Variants in NDST4 observed in about 807,000 individuals in gnomAD.
NDST4 encodes N-heparan sulfate sulfotransferase 4.
NDST4 carries 63 observed loss-of-function variants against 100.8 expected under a neutral mutation model. That is an observed-to-expected ratio of 0.62 (90% confidence interval 0.51 to 0.77). The LOEUF is 0.77. NDST4 is among the 30% of genes least tolerant of loss of function. The pLI is 0.00. For missense variants in NDST4, 943 were observed against 1,018.4 expected (o/e 0.93, Z 1.01); for synonymous variants, 377 against 361.8 (o/e 1.04, Z -0.48).
At chr4:114,842,819 C>A in intron 10 of NDST4, 1 of 155,040 alleles carries the variant, frequency 6.4e-6, no homozygotes, top group South Asian at 1.9e-4. Flanking sequence ...AAAAAAGCAA[C>A]AACAACAAAA....
In NDST4 at chr4:114,827,898, T is replaced by G; in HGVS notation, c.2537A>C (p.Asn846Thr). 1 of 1,611,602 alleles carries G rather than the reference T, an allele frequency of 6.2e-7. No individual in the cohort carries two copies. Among genetic ancestry groups the G allele is most frequent in the Non-Finnish European group, 8.5e-7 (1 of 1,178,982 alleles). Residue 846 changes from asparagine (N) to threonine (T), a missense_variant, in exon 14 of 14, where the codon AAT (asparagine) becomes ACT (threonine). This residue lies in a region of NDST4 where 526 missense variants were observed against 634.1 expected (regional missense o/e 0.83). Transcript: ENST00000264363. ...TFLSNYYRDH[N>T]VELSKLLHRL... is the part of the protein sequence containing the mutation. ...GTGTAGCAGTTTGGATAGTTCCACA[T>G]TATGATCTCGGTAGTAATTAGAGAG...
chr4:115,003,573 A>T (rs909282569), intron 2 of NDST4, among the ~76,000 whole-genome samples: 1 of 152,120 alleles, frequency 6.6e-6, no homozygotes, highest in African/African-American at 2.4e-5. Context: ...TCTTTTTTAA[A>T]AAAAGGGGTA....
intron 6 of NDST4, among the ~76,000 whole-genome samples, chr4:114,934,453 CTG>C (rs1725581712): frequency 6.6e-6 from 1 of 151,654 alleles, no homozygotes; most frequent in Non-Finnish European, 1.5e-5. Flanking sequence ...ACTTGGGAGT[CTG>C]AGGCAGGAGA....
intron 13 of NDST4, among the ~76,000 whole-genome samples, chr4:114,828,263 C>T (rs1003140824): frequency 6.6e-6 from 1 of 151,806 alleles, no homozygotes; most frequent in East Asian, 1.9e-4. Flanking sequence ...ATAGGGACTG[C>T]ATGAGGAATG....
intron 2 of NDST4, among the ~76,000 whole-genome samples, chr4:115,025,591 A>G (rs760703059): frequency 6.6e-6 from 1 of 152,176 alleles, no homozygotes; most frequent in African/African-American, 2.4e-5. Context: ...CATAATGGCC[A>G]TAATCAGAAG....
rs1357875072 is a variant in NDST4 at position 115,010,237 on chromosome 4, G to A, written c.979-32963C>T. ...TGCTGCTATAAAGACACATGCACAC[G>A]TATGTTTATTGCGGCGCTATTCACA... On this transcript the variant is annotated intron_variant, in intron 2 of 13. Transcript: ENST00000264363. Among the ~76,000 whole-genome samples the A allele has an allele frequency of 3.2e-5, 4 of 124,722 alleles. 1 individual carries two copies. Among genetic ancestry groups the A allele is most frequent in the African/African-American group, 9.3e-5 (3 of 32,400 alleles). 81.8% of individuals were successfully genotyped at this position (124,722 alleles called of 152,430 possible).
At chr4:115,009,641 T>C (rs1450760340) in intron 2 of NDST4, among the ~76,000 whole-genome samples, 1 of 125,240 alleles carries the variant, frequency 8.0e-6, no homozygotes. Flanking sequence ...ACTTCATGTC[T>C]AAAACACCAA....
intron 12 of NDST4, among the ~76,000 whole-genome samples, chr4:114,832,924 T>C (rs1723230432): frequency 1.3e-5 from 2 of 152,064 alleles, no homozygotes; most frequent in Non-Finnish European, 2.9e-5. Flanking sequence ...GAGACGTGAG[T>C]AAAGGAGACT....
At position 115,076,566 on chromosome 4, in the gene NDST4, G is replaced by C. The variant is rs1310945303; in HGVS notation, c.471C>G (p.Tyr157Ter). ...TATGAAAACCGATTATACTAACACT[G>C]TATTCCACACAGTATTTTTCTAAAA... is the stretch of plus-strand genomic sequence containing the variant. Reference protein sequence around the residue: ...RELLEKYCVEYSVSIIGFHKA... With the variant: ...RELLEKYCVE Residue 157 changes from tyrosine to a stop codon, truncating the protein, a stop_gained, in exon 2 of 14, where the codon TAC becomes TAG. Coordinates refer to ENST00000264363, the MANE Select transcript of NDST4 (RefSeq NM_022569.3). LOFTEE classifies it high-confidence loss of function. 6.2e-7 allele frequency: 1 copy of C among 1,613,920 alleles called. No homozygotes were observed. Among genetic ancestry groups the C allele is most frequent in the East Asian group, 2.2e-5 (1 of 44,806 alleles).
intron 8 of NDST4, 37 bp downstream of exon 8, chr4:114,852,688 T>C: frequency 1.7e-6 from 2 of 1,151,048 alleles, no homozygotes; most frequent in South Asian, 1.3e-5. Context: ...AAAATATTTT[T>C]AAAAAGGATA....
intron 3 of NDST4, among the ~76,000 whole-genome samples, chr4:114,974,884 T>TAAATGTCTTCAAAAC (rs766540340): frequency 1.1e-4 from 17 of 152,104 alleles, no homozygotes; most frequent in Non-Finnish European, 1.9e-4. Flanking sequence ...CCTATGTGAT[T>TAAATGTCTTCAAAAC]AAATGTCTTC....
intron 2 of NDST4, among the ~76,000 whole-genome samples, chr4:115,071,141 AAT>A (rs33988656): frequency 0.014 from 2,005 of 146,598 alleles, 44 homozygotes; most frequent in African/African-American, 0.053. Context: ...AAAATAAAAA[AAT>A]AAAAAATAAA....
At chr4:114,885,391 A>G (rs985330478) in intron 6 of NDST4, among the ~76,000 whole-genome samples, 9 of 152,136 alleles carry the variant, frequency 5.9e-5, no homozygotes, top group Non-Finnish European at 1.3e-4. Context: ...ACATTTGGAC[A>G]TGGTAACTCA....
At chr4:114,930,027 G>C (rs1036757) in intron 6 of NDST4, among the ~76,000 whole-genome samples, 18 of 152,108 alleles carry the variant, frequency 1.2e-4, no homozygotes, top group Non-Finnish European at 5.9e-5. Context: ...GTATGATGAA[G>C]TGACTCTTAC....
At chr4:114,864,333 G>A (rs767213660) in intron 7 of NDST4, among the ~76,000 whole-genome samples, 1 of 152,042 alleles carries the variant, frequency 6.6e-6, no homozygotes, top group Non-Finnish European at 1.5e-5. Flanking sequence ...TTCCCCTGAC[G>A]GTTTAAAGAA....
intron 1 of NDST4, among the ~76,000 whole-genome samples, chr4:115,078,564 G>A (rs575602192): frequency 6.6e-6 from 1 of 152,090 alleles, no homozygotes; most frequent in African/African-American, 2.4e-5. Flanking sequence ...ATGATTTAGG[G>A]TATCTGGTGG....
rs1435526359 is a variant in NDST4, at chr4:114,847,177, C to T, written c.1940+1038G>A. Among the ~76,000 whole-genome samples, 60 of 131,292 alleles carry T rather than the reference C, an allele frequency of 4.6e-4. 3 individuals carry two copies. Among genetic ancestry groups the T allele is most frequent in the Non-Finnish European group, 1.5e-5 (1 of 67,438 alleles). The allele number at this position is 131,292 out of a possible 152,430, so 86.1% of individuals were successfully genotyped here. A position where few individuals can be genotyped will look rare whatever the true frequency, so the allele number is the denominator to read the frequency against. On this transcript the variant is annotated intron_variant, in intron 9 of 13. Transcript: ENST00000264363. ...GGATCACGAGGTCAGGAGATCGAGA[C>T]CATCCCGGCTAAAACGGTGAAACCC...
chr4:114,866,182 T>C (rs1430544417), intron 7 of NDST4, among the ~76,000 whole-genome samples: 1 of 152,230 alleles, frequency 6.6e-6, no homozygotes, highest in Non-Finnish European at 1.5e-5. Flanking sequence ...TCTTTCGTTA[T>C]TCTCAGTCTC....
chr4:114,977,115 C>T, intron 3 of NDST4, 72 bp downstream of exon 3: 1 of 938,164 alleles, frequency 1.1e-6, no homozygotes, highest in East Asian at 2.6e-5. Context: ...TCTATCTCTA[C>T]CACTTATGAA....
Sources: gnomAD v4.1 joint callset for allele counts (sites outside exome capture counted in the v4.1 genomes callset) on GRCh38, gnomAD v4.1.1 for gene constraint, gnomAD v4.1.1 regional missense constraint, MANE v1.5 for transcripts, NCBI Gene and HGNC (gene_info 2026-07-23, HGNC 2026-07-21) for gene names.